ZFR: variants seen among roughly 807,000 people sequenced by gnomAD.
ZFR encodes the protein zinc finger RNA-binding protein.
Under a neutral mutation model 130.7 loss-of-function variants are expected in ZFR, and 19 were observed. The observed-to-expected ratio is 0.15, with a 90% CI of 0.10 to 0.21. The LOEUF is 0.21. ZFR is among the 10% of genes least tolerant of loss of function. The pLI, the probability that ZFR is intolerant of heterozygous loss-of-function variation, is 1.00. For missense variants in ZFR, 872 were observed against 1,321.5 expected (o/e 0.66, Z 5.27); for synonymous variants, 466 against 456.9 (o/e 1.02, Z -0.25).
Position 32,355,773 on chromosome 5 carries a change from T to C in ZFR, c.3212A>G (p.Tyr1071Cys), listed in dbSNP as rs1414776579. 1.3e-6 allele frequency: 2 copies of C among 1,586,044 alleles called. No homozygotes were observed. Among genetic ancestry groups the C allele is most frequent in the South Asian group, 2.3e-5 (2 of 85,520 alleles). The stretch of plus-strand genomic sequence containing the variant: ...TACAGACACTTTTTAAAAGTTATCA[T>C]AATCTTTTTTGTCTTTTTTCCCCTC... ...EAEGKKDKKD[Y>C]DNF is the part of the protein sequence containing the mutation. The change falls in exon 20 of 20, where the codon TAT becomes TGT. Residue 1071 changes from tyrosine to cysteine, a missense_variant. Around this residue, in one of 7 missense-constraint regions of ZFR, gnomAD observed 158 missense variants for 264.0 expected, o/e 0.60. Transcript: ENST00000265069.
intron 2 of ZFR, among the ~76,000 whole-genome samples, chr5:32,442,886 T>C (rs1340697611): frequency 6.6e-6 from 1 of 152,176 alleles, no homozygotes; most frequent in Non-Finnish European, 1.5e-5. Context: ...AACCCAACTA[T>C]ATGATGTTCC....
intron 19 of ZFR, among the ~76,000 whole-genome samples, chr5:32,359,207 A>G (rs991207073): frequency 6.6e-6 from 1 of 151,724 alleles, no homozygotes. Context: ...AAACCAAAAA[A>G]CCCCTAAAGC....
At chr5:32,374,109 C>T (rs1581683609) in intron 17 of ZFR, among the ~76,000 whole-genome samples, 1 of 152,284 alleles carries the variant, frequency 6.6e-6, no homozygotes, top group South Asian at 2.1e-4. Context: ...GGACTTACTA[C>T]AACAGAGATA....
intron 7 of ZFR, 47 bp downstream of exon 7, chr5:32,403,859 A>G (rs1174509201): frequency 4.0e-6 from 6 of 1,490,316 alleles, no homozygotes; most frequent in Non-Finnish European, 5.4e-6. Flanking sequence ...AAAAAGTAAA[A>G]GATAACAGAA....
At chr5:32,443,278 T>C (rs1019735445) in intron 2 of ZFR, among the ~76,000 whole-genome samples, 1 of 152,248 alleles carries the variant, frequency 6.6e-6, no homozygotes, top group African/African-American at 2.4e-5. Context: ...AACAATCCAC[T>C]GTTGTGTTTG....
At chr5:32,440,381 C>T (rs1380427126) in intron 2 of ZFR, among the ~76,000 whole-genome samples, 1 of 152,206 alleles carries the variant, frequency 6.6e-6, no homozygotes, top group Non-Finnish European at 1.5e-5. Context: ...GGCGCGGTGG[C>T]TCATGCCTGT....
intron 6 of ZFR, among the ~76,000 whole-genome samples, chr5:32,405,416 C>G (rs546115303): frequency 6.6e-6 from 1 of 152,182 alleles, no homozygotes; most frequent in Non-Finnish European, 1.5e-5. Context: ...TTAACCACCC[C>G]CTTAAGGTAC....
intron 4 of ZFR, among the ~76,000 whole-genome samples, chr5:32,415,513 T>TGTGTGTGC (rs1554073605): frequency 2.2e-5 from 2 of 92,250 alleles, no homozygotes; most frequent in African/African-American, 1.1e-4. Context: ...TGTGTGTGTG[T>TGTGTGTGC]GTGCGCGCGC....
At chr5:32,361,540 CAA>C (rs1752430548) in intron 19 of ZFR, among the ~76,000 whole-genome samples, 1 of 151,334 alleles carries the variant, frequency 6.6e-6, no homozygotes, top group South Asian at 2.1e-4. Flanking sequence ...CAGAAAATAT[CAA>C]AAGATATCTC....
chr5:32,391,586 T>G (rs1367343141), intron 11 of ZFR, among the ~76,000 whole-genome samples: 1 of 151,050 alleles, frequency 6.6e-6, no homozygotes, highest in East Asian at 1.9e-4. Flanking sequence ...TTCCTCATTT[T>G]CAACTTCAAA....
At chr5:32,369,673 A>G (rs114013052) in intron 17 of ZFR, among the ~76,000 whole-genome samples, 3,230 of 152,068 alleles carry the variant, frequency 0.021, 47 homozygotes, top group Non-Finnish European at 0.033. Context: ...GTAACCAGGC[A>G]TGGTAGCATG....
chr5:32,436,210 G>A (rs1332291510), intron 2 of ZFR, among the ~76,000 whole-genome samples: 3 of 142,812 alleles, frequency 2.1e-5, no homozygotes, highest in East Asian at 2.2e-4. Flanking sequence ...GTGCAGTGGC[G>A]CGATCTCGGC....
At chr5:32,383,498 C>A (rs1752977387) in intron 15 of ZFR, among the ~76,000 whole-genome samples, 1 of 152,166 alleles carries the variant, frequency 6.6e-6, no homozygotes, top group South Asian at 2.1e-4. Flanking sequence ...AACACAGTAT[C>A]ATAAAACAGA....
intron 17 of ZFR, chr5:32,364,578 C>G (rs537193618): frequency 6.3e-6 from 1 of 159,876 alleles, no homozygotes; most frequent in Non-Finnish European, 1.4e-5. Flanking sequence ...CCCCAAAAAA[C>G]CAAAAATTAG....
chr5:32,444,402 C>G (rs1754555626), intron 1 of ZFR, 74 bp from the exon 2 acceptor site: 3 of 1,483,240 alleles, frequency 2.0e-6, no homozygotes, highest in Non-Finnish European at 2.7e-6. Flanking sequence ...CGAGGGAGGG[C>G]AGGGAGAGAA....
intron 12 of ZFR, among the ~76,000 whole-genome samples, chr5:32,389,988 T>C (rs567704849): frequency 6.6e-6 from 1 of 152,302 alleles, no homozygotes. Context: ...CTATCTCTAC[T>C]AATAATACAA....
intron 5 of ZFR, among the ~76,000 whole-genome samples, chr5:32,409,097 T>C (rs1282647287): frequency 6.6e-6 from 1 of 152,232 alleles, no homozygotes; most frequent in Non-Finnish European, 1.5e-5. Context: ...AGTTCTTCTG[T>C]GCTTTTCTGT....
chr5:32,424,532 CAAA>C (rs575935210), intron 2 of ZFR, among the ~76,000 whole-genome samples: 2 of 62,622 alleles, frequency 3.2e-5, no homozygotes. Flanking sequence ...GACTCCGTCT[CAAA>C]AAAAAAAAAA....
intron 2 of ZFR, among the ~76,000 whole-genome samples, chr5:32,440,670 A>C (rs1754451959): frequency 6.6e-6 from 1 of 151,944 alleles, no homozygotes; most frequent in African/African-American, 2.4e-5. Flanking sequence ...AAAACAAAAA[A>C]TACAAAACAG....
Sources: allele counts gnomAD v4.1 joint callset (sites outside exome capture counted in the v4.1 genomes callset), GRCh38; gene constraint gnomAD v4.1.1; regional missense constraint gnomAD v4.1.1; transcripts MANE v1.5; gene names NCBI Gene and HGNC (gene_info 2026-07-23, HGNC 2026-07-21).